The following LIMCH1 variants were observed in gnomAD, a reference collection of about 807,000 sequenced individuals.
The protein encoded by LIMCH1 is LIM and calponin homology domains-containing protein 1.
LIMCH1 carries 113 observed loss-of-function variants against 176.5 expected under a neutral mutation model. The observed-to-expected ratio is 0.64, with a 90% CI of 0.55 to 0.75. LIMCH1 has a LOEUF of 0.75. Ranked by LOEUF, LIMCH1 falls within the 30% of genes least tolerant of loss-of-function variation. LIMCH1 has a pLI of 0.00. For synonymous variants in LIMCH1, 619 were observed against 645.9 expected (o/e 0.96, Z 0.63); for missense variants, 1,674 against 1,814.9 (o/e 0.92, Z 1.41).
chr4:41,422,547 GA>G (rs1296619259), intron 1 of LIMCH1, among the ~76,000 whole-genome samples: 1 of 151,980 alleles, frequency 6.6e-6, no homozygotes, highest in African/African-American at 2.4e-5. Flanking sequence ...TTTTTTAAAA[GA>G]AAAAATTTAC....
chr4:41,560,875 A>C (rs1316075292), intron 1 of LIMCH1, among the ~76,000 whole-genome samples: 1 of 152,006 alleles, frequency 6.6e-6, no homozygotes, highest in Non-Finnish European at 1.5e-5. Flanking sequence ...AACATCAGCC[A>C]GGTGTGGTGC....
chr4:41,644,399 C>A, intron 14 of LIMCH1, 101 bp from the exon 15 acceptor site: 1 of 1,377,050 alleles, frequency 7.3e-7, no homozygotes, highest in Non-Finnish European at 9.5e-7. Flanking sequence ...GGGCAGTTTT[C>A]CAAGCCCGGT....
At chr4:41,539,390 T>A (rs748607547) in intron 1 of LIMCH1, among the ~76,000 whole-genome samples, 21 of 152,180 alleles carry the variant, frequency 1.4e-4, no homozygotes, top group Non-Finnish European at 2.6e-4. Context: ...ACCGAGAGGC[T>A]GCAAGTGTCA....
chr4:41,508,131 C>T (rs1470170081), intron 2 of LIMCH1, among the ~76,000 whole-genome samples: 1 of 152,038 alleles, frequency 6.6e-6, no homozygotes, highest in Non-Finnish European at 1.5e-5. Flanking sequence ...AGGTAGAAAA[C>T]CAGTGGGGCA....
At chr4:41,509,328 G>A (rs2074555742) in intron 2 of LIMCH1, among the ~76,000 whole-genome samples, 1 of 152,162 alleles carries the variant, frequency 6.6e-6, no homozygotes, top group Admixed American at 6.5e-5. Flanking sequence ...GGAGACCCGA[G>A]GTGGTAGGGC....
Position 41,650,462 on chromosome 4 carries a change from A to G in LIMCH1, c.2890A>G (p.Thr964Ala). The part of the protein sequence containing the change: ...REEEKERECP[T>A]VAPAHSLTKS... Reference sequence around the variant, plus strand: ...GGAGGAGAAGGAAAGAGAGTGTCCCACGGTGGCACCTGCCCACTCCTTAAC... The same window carrying G: ...GGAGGAGAAGGAAAGAGAGTGTCCCGCGGTGGCACCTGCCCACTCCTTAAC... Residue 964 changes from threonine (T) to alanine (A), a missense_variant, in exon 18 of 32, where the codon ACG (threonine) becomes GCG (alanine). This residue lies in a region of LIMCH1 where 1,015 missense variants were observed against 1,102.5 expected (regional missense o/e 0.92). Coordinates refer to ENST00000503057, the MANE Select transcript of LIMCH1 (RefSeq NM_001330672.2). 3 of 1,614,124 alleles carry G rather than the reference A, an allele frequency of 1.9e-6. No individual in the cohort carries two copies. The highest frequency in any genetic ancestry group is 2.5e-6 in the Non-Finnish European group (3 of 1,179,986).
chr4:41,420,571 T>C (rs1390875531), intron 1 of LIMCH1, among the ~76,000 whole-genome samples: 1 of 152,160 alleles, frequency 6.6e-6, no homozygotes, highest in East Asian at 1.9e-4. Flanking sequence ...GATGGATGAG[T>C]TGGACATAGG....
At chr4:41,503,548 T>C (rs2073744300) in intron 2 of LIMCH1, among the ~76,000 whole-genome samples, 1 of 152,208 alleles carries the variant, frequency 6.6e-6, no homozygotes, top group African/African-American at 2.4e-5. Context: ...GAAAGGTTTA[T>C]TAGGTCTCTT....
intron 1 of LIMCH1, among the ~76,000 whole-genome samples, chr4:41,569,592 C>G (rs1238406054): frequency 6.6e-6 from 1 of 152,116 alleles, no homozygotes; most frequent in African/African-American, 2.4e-5. Flanking sequence ...AATCTAGGAC[C>G]TGTTTTAAAT....
chr4:41,582,680 T>C (rs755674472), intron 1 of LIMCH1, among the ~76,000 whole-genome samples: 6 of 152,170 alleles, frequency 3.9e-5, no homozygotes, highest in African/African-American at 7.2e-5. Context: ...ATCTACCTCA[T>C]AGGGTTGACA....
intron 2 of LIMCH1, among the ~76,000 whole-genome samples, chr4:41,499,466 T>C (rs374482791): frequency 6.6e-6 from 1 of 152,244 alleles, no homozygotes; most frequent in East Asian, 1.9e-4. Flanking sequence ...GTTTAAAGCA[T>C]AGTCCAGAAT....
intron 1 of LIMCH1, among the ~76,000 whole-genome samples, chr4:41,486,233 T>C (rs1017462057): frequency 6.6e-6 from 1 of 152,196 alleles, no homozygotes; most frequent in Non-Finnish European, 1.5e-5. Flanking sequence ...AGAGCTCTGC[T>C]AAGCTTCCCG....
In LIMCH1 at chr4:41,457,832, A is replaced by G. The variant is rs191737093; in HGVS notation, c.97-36704A>G. Among the ~76,000 whole-genome samples the G allele has an allele frequency of 1.3e-3, 197 of 152,364 alleles. 7 individuals are homozygous for G. In the East Asian group the frequency reaches 0.029, roughly 22 times the overall value. ...TGGAGATTTAAAAAAAATCCTTGAA[A>G]TAGCATCTTTGCCTTCAAAGACTTT... On this transcript the variant is annotated intron_variant, in intron 1 of 26. Coordinates refer to the LIMCH1 transcript ENST00000313860.
chr4:41,557,747 A>G (rs901017545), intron 1 of LIMCH1, among the ~76,000 whole-genome samples: 33 of 152,176 alleles, frequency 2.2e-4, no homozygotes, highest in African/African-American at 8.0e-4. Flanking sequence ...CCTAAGCCAC[A>G]TAGGGTGAAG....
intron 1 of LIMCH1, among the ~76,000 whole-genome samples, chr4:41,397,864 C>T (rs1038642473): frequency 4.0e-5 from 6 of 151,146 alleles, no homozygotes; most frequent in Non-Finnish European, 5.9e-5. Flanking sequence ...TTCTTAGATG[C>T]GTAGAGTTTA....
intron 1 of LIMCH1, among the ~76,000 whole-genome samples, chr4:41,487,445 A>G (rs1489626011): frequency 6.6e-6 from 1 of 152,188 alleles, no homozygotes; most frequent in Non-Finnish European, 1.5e-5. Context: ...TCCTGCAAAC[A>G]CATGGTGCCT....
intron 4 of LIMCH1, among the ~76,000 whole-genome samples, chr4:41,610,804 C>T (rs2091330281): frequency 6.6e-6 from 1 of 152,182 alleles, no homozygotes; most frequent in African/African-American, 2.4e-5. Context: ...ACCCTAAACT[C>T]CTTCTCTCTT....
intron 1 of LIMCH1, among the ~76,000 whole-genome samples, chr4:41,434,674 G>A (rs550644949): frequency 6.6e-6 from 1 of 152,236 alleles, no homozygotes; most frequent in Admixed American, 6.5e-5. Context: ...CCACCCCCAT[G>A]CCCGGCTAAC....
At chr4:41,451,272 C>T (rs1452310031) in intron 1 of LIMCH1, among the ~76,000 whole-genome samples, 2 of 151,560 alleles carry the variant, frequency 1.3e-5, no homozygotes, top group Non-Finnish European at 2.9e-5. Context: ...TGTGCCACCA[C>T]GCCTGGCTAA....
Sources: gnomAD v4.1 joint callset for allele counts (sites outside exome capture counted in the v4.1 genomes callset) on GRCh38, gnomAD v4.1.1 for gene constraint, gnomAD v4.1.1 regional missense constraint, MANE v1.5 for transcripts, NCBI Gene and HGNC (gene_info 2026-07-23, HGNC 2026-07-21) for gene names.